The following ZFHX3 variants were observed in gnomAD, a reference collection of about 807,000 sequenced individuals.
ZFHX3 encodes zinc finger homeobox protein 3.
ZFHX3 carries 42 observed loss-of-function variants against 279.1 expected under a neutral mutation model. The ratio of observed to expected loss-of-function variants is 0.15; its 90% CI spans 0.12 to 0.19. The LOEUF (loss-of-function observed/expected upper bound fraction) is 0.19. Ranked by LOEUF, ZFHX3 falls within the 10% of genes least tolerant of loss-of-function variation. The pLI is 1.00. For synonymous variants in ZFHX3, 2,293 were observed against 1,957.8 expected (o/e 1.17, Z -4.52); for missense variants, 4,981 against 4,754.0 (o/e 1.05, Z -1.40).
intron 1 of ZFHX3, among the ~76,000 whole-genome samples, chr16:73,890,435 G>A (rs914708473): frequency 4.6e-5 from 7 of 152,094 alleles, no homozygotes; most frequent in African/African-American, 1.7e-4. Flanking sequence ...TTCTCGTTTG[G>A]TTTTGTTATT....
Position 73,058,036 on chromosome 16 carries a change from C to G in ZFHX3, c.-24+494G>C, listed in dbSNP as rs986997839. 2.6e-4 allele frequency among the ~76,000 whole-genome samples: 38 copies of G among 145,452 alleles called. 1 individual carries two copies. Among genetic ancestry groups the G allele is most frequent in the South Asian group, 6.3e-4 (3 of 4,744 alleles). ...TCGGCACCGCGGACCCCCCCATACT[C>G]CCCCCACCGCCGGCCGCCGCCTTTG... On this transcript the variant is annotated intron_variant, in intron 1 of 8. Coordinates refer to the ZFHX3 transcript ENST00000397992.
chr16:73,121,300 CATT>C (rs1330820930), intron 7 of ZFHX3, among the ~76,000 whole-genome samples: 3 of 152,120 alleles, frequency 2.0e-5, no homozygotes, highest in African/African-American at 7.2e-5. Context: ...TATAATATCT[CATT>C]AATAATTTTT....
intron 1 of ZFHX3, among the ~76,000 whole-genome samples, chr16:73,732,633 T>C (rs2053578213): frequency 6.6e-6 from 1 of 152,254 alleles, no homozygotes; most frequent in South Asian, 2.1e-4. Flanking sequence ...TGTCTAGTTA[T>C]GGATGACAGA....
intron 1 of ZFHX3, among the ~76,000 whole-genome samples, chr16:73,833,120 T>C (rs1327850998): frequency 6.6e-6 from 1 of 152,178 alleles, no homozygotes; most frequent in African/African-American, 2.4e-5. Flanking sequence ...CCCAGCACTT[T>C]GAGAGGCTGA....
chr16:72,883,056 CG>C (rs1340931106), intron 4 of ZFHX3, among the ~76,000 whole-genome samples: 16 of 100,664 alleles, frequency 1.6e-4, no homozygotes, highest in Admixed American at 7.3e-4. Flanking sequence ...GTGTGTGTAG[CG>C]GGTAGTGGGG....
At chr16:73,510,586 G>A (rs1036417295) in intron 2 of ZFHX3, among the ~76,000 whole-genome samples, 1 of 152,190 alleles carries the variant, frequency 6.6e-6, no homozygotes, top group African/African-American at 2.4e-5. Context: ...ATTACGTAGG[G>A]TCACCATGTA....
chr16:73,548,612 C>A (rs565097660), intron 2 of ZFHX3, among the ~76,000 whole-genome samples: 6 of 149,862 alleles, frequency 4.0e-5, no homozygotes. Context: ...TAAATATGTA[C>A]ATTTTTTTAA....
intron 3 of ZFHX3, among the ~76,000 whole-genome samples, chr16:73,427,399 T>C (rs2017827729): frequency 6.6e-6 from 1 of 152,190 alleles, no homozygotes; most frequent in Middle Eastern, 3.2e-3. Flanking sequence ...GCTTTTGTCC[T>C]CACTGTGTGT....
intron 3 of ZFHX3, among the ~76,000 whole-genome samples, chr16:73,366,416 G>GA (rs146089878): frequency 0.011 from 1,691 of 151,922 alleles, 38 homozygotes; most frequent in African/African-American, 0.038. Flanking sequence ...TTCCTAAGTG[G>GA]AAAAAAACAA....
intron 7 of ZFHX3, among the ~76,000 whole-genome samples, chr16:73,120,047 C>A (rs1966477493): frequency 6.6e-6 from 1 of 152,128 alleles, no homozygotes; most frequent in African/African-American, 2.4e-5. Flanking sequence ...GGAGTCTACT[C>A]CTGAAAGTTC....
At chr16:72,800,886 C>T (rs2036078915) in intron 7 of ZFHX3, among the ~76,000 whole-genome samples, 1 of 152,170 alleles carries the variant, frequency 6.6e-6, no homozygotes, top group African/African-American at 2.4e-5. Context: ...TTGACCATGG[C>T]CATTTTTTCT....
chr16:72,936,552 A>G (rs891975716), intron 3 of ZFHX3, among the ~76,000 whole-genome samples: 1 of 152,232 alleles, frequency 6.6e-6, no homozygotes, highest in African/African-American at 2.4e-5. Flanking sequence ...TGTCAAGGTC[A>G]AGGAGGTACA....
In ZFHX3 at chr16:72,794,235, G is replaced by A; in HGVS notation, c.8447C>T (p.Pro2816Leu). The A allele has an allele frequency of 6.2e-7, 1 of 1,614,168 alleles. No individual in the cohort carries two copies. The highest frequency in any genetic ancestry group is 1.3e-5 in the African/African-American group (1 of 75,030). The stretch of plus-strand genomic sequence containing the variant: ...GTTTAGATTAACTGAGGACATGGAG[G>A]GGCTTTCAAAGTCTTCAATCCCTTC... ...KVEGIEDFES[P>L]SMSSVNLNFD... The change falls in exon 9 of 10, where the codon CCC becomes CTC. Residue 2816 changes from proline (P) to leucine (L), a missense_variant. Pro to Leu is a moderately conservative substitution (Grantham distance 98). Transcript: ENST00000268489. This position sits in a 1 kb window ranked among gnomAD's most constrained non-coding sequence, Gnocchi z 4.2.
chr16:73,753,260 C>T (rs914116284), intron 1 of ZFHX3, among the ~76,000 whole-genome samples: 5 of 152,062 alleles, frequency 3.3e-5, no homozygotes, highest in African/African-American at 1.2e-4. Context: ...CAGGATCTGG[C>T]CCAGACAGGA....
chr16:73,073,108 G>C (rs988669885), intron 8 of ZFHX3, among the ~76,000 whole-genome samples: 2 of 152,210 alleles, frequency 1.3e-5, no homozygotes, highest in African/African-American at 4.8e-5. Context: ...TGTTGCCCAG[G>C]CTGGTCTCAA....
intron 1 of ZFHX3, among the ~76,000 whole-genome samples, chr16:73,807,150 C>T (rs1281356666): frequency 1.3e-5 from 2 of 152,136 alleles, no homozygotes; most frequent in South Asian, 4.1e-4. Context: ...CAGCAGGGAC[C>T]GCTGGCATTT....
intron 2 of ZFHX3, among the ~76,000 whole-genome samples, chr16:73,648,458 C>T (rs944800800): frequency 6.6e-6 from 1 of 152,276 alleles, no homozygotes; most frequent in Non-Finnish European, 1.5e-5. Flanking sequence ...GGCCCAGTCT[C>T]GGCTCACTGC....
At position 72,798,107 on chromosome 16, in the gene ZFHX3, C is replaced by T; in HGVS notation, c.4575G>A (p.Leu1525=). The T allele has an allele frequency of 6.2e-7, 1 of 1,614,206 alleles. No individual in the cohort carries two copies. Among genetic ancestry groups the T allele is most frequent in the Non-Finnish European group, 8.5e-7 (1 of 1,180,040 alleles). The part of the protein sequence containing the change: ...EDSGSEPKRA[L]PFRKGPNFTM... ...TAAAATTGGGACCTTTTCTGAAAGG[C>T]AGAGCTCTCTTTGGCTCTGAGCCCG... The change falls in exon 9 of 10, where the codon CTG becomes CTA. Residue 1525 remains leucine (L), a synonymous_variant. Transcript: ENST00000268489.
chr16:73,164,220 G>C (rs988242403), intron 5 of ZFHX3, among the ~76,000 whole-genome samples: 11 of 152,060 alleles, frequency 7.2e-5, no homozygotes, highest in Admixed American at 1.3e-4. Flanking sequence ...ATAATGCTAG[G>C]CTGTGAGAAG....
Sources: allele counts gnomAD v4.1 joint callset (sites outside exome capture counted in the v4.1 genomes callset), GRCh38; gene constraint gnomAD v4.1.1; non-coding constraint Gnocchi (gnomAD v3.1); transcripts MANE v1.5; gene names NCBI Gene and HGNC (gene_info 2026-07-23, HGNC 2026-07-21).